CCSER1: variants seen among roughly 807,000 people sequenced by gnomAD.
The protein encoded by CCSER1 is coiled-coil serine rich protein 1, also known as serine-rich coiled-coil domain-containing protein 1.
Under a neutral mutation model 82.0 loss-of-function variants are expected in CCSER1, and 41 were observed. The observed-to-expected ratio is 0.50, with a 90% CI of 0.39 to 0.65. The LOEUF is 0.65. CCSER1 is among the 30% of genes least tolerant of loss of function. CCSER1 has a pLI of 0.00. For synonymous variants in CCSER1, 414 were observed against 383.9 expected, an observed-to-expected ratio of 1.08 and a Z score of -0.92; for missense variants, 1,119 against 1,064.2, an observed-to-expected ratio of 1.05 and a Z score of -0.72.
At chr4:91,310,629 T>G (rs921581940) in intron 10 of CCSER1, among the ~76,000 whole-genome samples, 4 of 151,912 alleles carry the variant, frequency 2.6e-5, no homozygotes, top group Non-Finnish European at 4.4e-5. Context: ...ACTCCTTTTT[T>G]GTTCTCTACC....
intron 8 of CCSER1, among the ~76,000 whole-genome samples, chr4:90,882,828 G>A (rs190093837): frequency 1.8e-4 from 27 of 151,658 alleles, no homozygotes; most frequent in African/African-American, 5.1e-4. Context: ...ATAATTTCTC[G>A]GTCAAATATT....
At chr4:90,592,514 A>G (rs529011447) in intron 5 of CCSER1, among the ~76,000 whole-genome samples, 1 of 152,318 alleles carries the variant, frequency 6.6e-6, no homozygotes, top group African/African-American at 2.4e-5. Flanking sequence ...CAATTTTGGG[A>G]CTTCACCTGC....
intron 7 of CCSER1, among the ~76,000 whole-genome samples, chr4:90,779,820 C>T (rs539340784): frequency 5.8e-4 from 88 of 152,342 alleles, no homozygotes; most frequent in African/African-American, 2.1e-3. Flanking sequence ...GTCTTTCCCC[C>T]TATTAAATAC....
At chr4:91,135,078 A>G (rs1728346254) in intron 10 of CCSER1, among the ~76,000 whole-genome samples, 1 of 151,882 alleles carries the variant, frequency 6.6e-6, no homozygotes, top group Non-Finnish European at 1.5e-5. Context: ...AAAAAAAACT[A>G]TTCTTACTTA....
At chr4:90,202,551 T>C (rs1737965806) in intron 1 of CCSER1, among the ~76,000 whole-genome samples, 1 of 152,350 alleles carries the variant, frequency 6.6e-6, no homozygotes. Context: ...CCAAACTGGC[T>C]GGACTAAGGG....
chr4:90,504,669 T>C (rs1398103353), intron 5 of CCSER1, among the ~76,000 whole-genome samples: 5 of 152,158 alleles, frequency 3.3e-5, no homozygotes, highest in Admixed American at 6.5e-5. Flanking sequence ...TCTCACCTCA[T>C]ATAGCAAAGT....
At chr4:90,355,561 A>G (rs1744238079) in intron 3 of CCSER1, among the ~76,000 whole-genome samples, 1 of 151,962 alleles carries the variant, frequency 6.6e-6, no homozygotes, top group Non-Finnish European at 1.5e-5. Context: ...GAAGTCAAAT[A>G]ACTTGTTGAG....
At chr4:90,154,491 T>G (rs909733557) in intron 1 of CCSER1, among the ~76,000 whole-genome samples, 1 of 152,062 alleles carries the variant, frequency 6.6e-6, no homozygotes, top group Non-Finnish European at 1.5e-5. Context: ...GTTCACGATA[T>G]TGATTCTTCC....
At chr4:91,236,961 G>A (rs1039659820) in intron 10 of CCSER1, among the ~76,000 whole-genome samples, 3 of 152,144 alleles carry the variant, frequency 2.0e-5, no homozygotes, top group African/African-American at 4.8e-5. Flanking sequence ...GCCCAATTTT[G>A]TAGGATATTG....
At chr4:90,218,934 T>A (rs773333332) in intron 1 of CCSER1, among the ~76,000 whole-genome samples, 3 of 152,028 alleles carry the variant, frequency 2.0e-5, no homozygotes, top group Non-Finnish European at 4.4e-5. Flanking sequence ...ATGAAGGGGG[T>A]TATACTATTG....
chr4:91,506,098 G>A (rs1167103454), intron 10 of CCSER1, among the ~76,000 whole-genome samples: 3 of 152,100 alleles, frequency 2.0e-5, no homozygotes, highest in Non-Finnish European at 4.4e-5. Context: ...TTCATCTTGA[G>A]TTAATTTTTG....
At chr4:90,221,277 G>A (rs1024999976) in intron 1 of CCSER1, among the ~76,000 whole-genome samples, 3 of 151,952 alleles carry the variant, frequency 2.0e-5, no homozygotes, top group Non-Finnish European at 2.9e-5. Context: ...AATATGAAGA[G>A]GTTATGTTCT....
intron 10 of CCSER1, among the ~76,000 whole-genome samples, chr4:91,449,169 T>C (rs1259595495): frequency 6.6e-6 from 1 of 152,022 alleles, no homozygotes; most frequent in Non-Finnish European, 1.5e-5. Flanking sequence ...GCCAGAGAGA[T>C]AGACGTTACT....
At chr4:91,137,011 T>TA (rs1728532948) in intron 10 of CCSER1, among the ~76,000 whole-genome samples, 1 of 62,634 alleles carries the variant, frequency 1.6e-5, no homozygotes, top group Admixed American at 1.4e-4. Flanking sequence ...TTATAAAAAT[T>TA]CTTTTTTTTT....
intron 6 of CCSER1, among the ~76,000 whole-genome samples, chr4:90,696,754 T>C (rs1190675121): frequency 6.6e-6 from 1 of 152,162 alleles, no homozygotes; most frequent in Non-Finnish European, 1.5e-5. Flanking sequence ...AAGAGTGGGT[T>C]CTATTACTCT....
intron 5 of CCSER1, among the ~76,000 whole-genome samples, chr4:90,493,894 G>T (rs1372789851): frequency 6.6e-6 from 1 of 152,146 alleles, no homozygotes; most frequent in Non-Finnish European, 1.5e-5. Flanking sequence ...CATAATGACA[G>T]GATCAAATTC....
intron 9 of CCSER1, among the ~76,000 whole-genome samples, chr4:90,928,817 T>C (rs1376026038): frequency 6.6e-6 from 1 of 152,072 alleles, no homozygotes; most frequent in Non-Finnish European, 1.5e-5. Context: ...GCTGGAGCCC[T>C]AGATAAGAAT....
intron 1 of CCSER1, among the ~76,000 whole-genome samples, chr4:90,146,702 T>C (rs1484281544): frequency 6.6e-6 from 1 of 152,126 alleles, no homozygotes; most frequent in Non-Finnish European, 1.5e-5. Context: ...ACCTTAATAA[T>C]TTATACAGAG....
chr4:91,451,647 T>C (rs940051414), intron 10 of CCSER1, among the ~76,000 whole-genome samples: 2 of 152,040 alleles, frequency 1.3e-5, no homozygotes, highest in Admixed American at 1.3e-4. Context: ...GAGGAAATCA[T>C]GAGCATGTTG....
Sources: allele counts gnomAD v4.1 joint callset (sites outside exome capture counted in the v4.1 genomes callset), GRCh38; gene constraint gnomAD v4.1.1; transcripts MANE v1.5; gene names NCBI Gene and HGNC (gene_info 2026-07-23, HGNC 2026-07-21).